Variants in CAPN1 observed in about 807,000 individuals in gnomAD.
CAPN1 encodes calpain-1 catalytic subunit.
A neutral mutation model predicts 105.2 loss-of-function variants in CAPN1; 77 were observed. That is an observed-to-expected ratio of 0.73 (90% confidence interval 0.61 to 0.88). The LOEUF is 0.88. CAPN1 is among the 40% of genes least tolerant of loss of function. The pLI is 0.00. For missense variants in CAPN1, 833 were observed against 976.6 expected (o/e 0.85, Z 1.96); for synonymous variants, 355 against 388.8 (o/e 0.91, Z 1.02).
chr11:65,198,560 GT>G (rs1015476420), intron 10 of CAPN1, among the ~76,000 whole-genome samples: 18 of 151,080 alleles, frequency 1.2e-4, no homozygotes, highest in Middle Eastern at 3.4e-3. Flanking sequence ...TAATTCTAAA[GT>G]TTTTTTTTCC....
chr11:65,203,293 GATTCT>G (rs1565414041), intron 10 of CAPN1: 1 of 151,498 alleles, frequency 6.6e-6, no homozygotes, highest in Non-Finnish European at 1.5e-5. Context: ...GGGTTCAAGC[GATTCT>G]CCTACCTCAG....
In CAPN1 at chr11:65,188,351, C is replaced by A; in HGVS notation, c.930-63C>A. The A allele has an allele frequency of 6.9e-7, 1 of 1,458,454 alleles. No homozygotes were observed. The highest frequency in any genetic ancestry group is 9.4e-7 in the Non-Finnish European group (1 of 1,059,708). 90.3% of individuals were successfully genotyped at this position (1,458,454 alleles called of 1,614,324 possible). On this transcript the variant is annotated intron_variant, in intron 8 of 21. Transcript: ENST00000279247. This position sits in a 1 kb window ranked among gnomAD's most constrained non-coding sequence, Gnocchi z 5.5. ...GGAAGACAGGCCAGGGTAGACAGGC[C>A]CCAGGGACAGAGGCCAGGCAGGTCA...
At position 65,188,260 on chromosome 11, in the gene CAPN1, G is replaced by T; in HGVS notation, c.930-154G>T. The T allele has an allele frequency of 2.7e-6, 2 of 732,168 alleles. No homozygotes were observed. Among genetic ancestry groups the T allele is most frequent in the Non-Finnish European group, 4.5e-6 (2 of 444,872 alleles). 45.4% of individuals were successfully genotyped at this position (732,168 alleles called of 1,614,324 possible). ...TGCAGGGCATCAGACTGGCCCTGAT[G>T]AGACCACCCCCTAGAAGCGGAACCT... On this transcript the variant is annotated intron_variant, in intron 8 of 21. Transcript: ENST00000279247. The surrounding 1 kb of genome is among the most constrained non-coding windows in gnomAD (Gnocchi z 5.5).
rs542103543 is a variant in CAPN1, at chr11:65,188,517, C to T, written c.1004+29C>T. On this transcript the variant is annotated intron_variant, in intron 9 of 21. Transcript: ENST00000279247. This position sits in a 1 kb window ranked among gnomAD's most constrained non-coding sequence, Gnocchi z 5.5. ...AGCGCCCCCTCCCCTTCTACCCCAC[C>T]TCTCCACCCCTACACATCAGCTCTG... 6.8e-6 allele frequency: 11 copies of T among 1,612,944 alleles called. No homozygotes were observed. The highest frequency in any genetic ancestry group is 2.2e-5 in the South Asian group (2 of 90,952).
Position 65,211,312 on chromosome 11 carries a change from T to C in CAPN1, c.*26T>C. 1 of 1,610,592 alleles carries C rather than the reference T, an allele frequency of 6.2e-7. No individual in the cohort carries two copies. Among genetic ancestry groups the C allele is most frequent in the Non-Finnish European group, 8.5e-7 (1 of 1,179,006 alleles). On this transcript the variant is annotated 3_prime_UTR_variant, in exon 22 of 22. Transcript: ENST00000279247. ...GGCAGGGACTCGGTCCCCCTTGCCG[T>C]GCTCCCCTCCCTCCTCGTCTGCCAA...
In CAPN1 at chr11:65,206,494, G is replaced by T. The variant is rs201349372; in HGVS notation, c.1385G>T (p.Arg462Leu). Residue 462 changes from arginine (R) to leucine (L), a missense_variant, in exon 13 of 22, where the codon CGT (arginine) becomes CTT (leucine). Physicochemically the swap from Arg to Leu is moderately radical, Grantham distance 102 (BLOSUM62 -2). Transcript: ENST00000279247. ...LVGQPAVHLK[R>L]DFFLANASRA... ...GGCCAGCCGGCCGTACACTTGAAGC[G>T]TGACTTCTTCCTGGCCAATGCGTCT... is the stretch of plus-strand genomic sequence containing the variant. The T allele has an allele frequency of 1.2e-6, 2 of 1,613,344 alleles. No homozygotes were observed. The highest frequency in any genetic ancestry group is 8.5e-7 in the Non-Finnish European group (1 of 1,179,880).
chr11:65,195,100 G>GGTTTTTTTTTTTTTTTTTTTTTTTT (rs1565403828), intron 10 of CAPN1, among the ~76,000 whole-genome samples: 2 of 90,906 alleles, frequency 2.2e-5, no homozygotes, highest in African/African-American at 6.7e-5. Flanking sequence ...GTTTTTTGGG[G>GGTTTTTTTTTTTTTTTTTTTTTTTT]TTTTTTTTTT....
intron 7 of CAPN1, 45 bp downstream of exon 7, chr11:65,187,343 C>A: frequency 7.4e-7 from 1 of 1,348,730 alleles, no homozygotes; most frequent in Non-Finnish European, 1.0e-6. Flanking sequence ...GTTCCTGCCC[C>A]CTGGCCTGTC....
In CAPN1 at chr11:65,210,122, T is replaced by A; in HGVS notation, c.1942+26T>A. 2 of 1,594,204 alleles carry A rather than the reference T, an allele frequency of 1.3e-6. No individual in the cohort carries two copies. Among genetic ancestry groups the A allele is most frequent in the Non-Finnish European group, 1.7e-6 (2 of 1,163,664 alleles). On this transcript the variant is annotated intron_variant, in intron 19 of 21. Transcript: ENST00000279247. This position sits in a 1 kb window ranked among gnomAD's most constrained non-coding sequence, Gnocchi z 4.3. Reference sequence around the variant, plus strand: ...GTGAGACTCCAAGGCTGACGGCACCTGTGGGGCCCAGGACAGGTAGCCCCA... The same window carrying A: ...GTGAGACTCCAAGGCTGACGGCACCAGTGGGGCCCAGGACAGGTAGCCCCA...
chr11:65,193,304 G>C (rs182415393), intron 10 of CAPN1, among the ~76,000 whole-genome samples: 1 of 151,930 alleles, frequency 6.6e-6, no homozygotes, highest in African/African-American at 2.4e-5. Flanking sequence ...CTTATGTCTC[G>C]TGTATAATAA....
intron 7 of CAPN1, chr11:65,187,702 C>T: frequency 2.2e-6 from 1 of 455,628 alleles, no homozygotes. Context: ...GCCTGGCCAA[C>T]ATGGTGAAAC....
chr11:65,193,714 T>G (rs146857006), intron 10 of CAPN1, among the ~76,000 whole-genome samples: 2,447 of 151,436 alleles, frequency 0.016, 41 homozygotes, highest in Non-Finnish European at 0.021. Flanking sequence ...TTTCTTTTAT[T>G]ATTTTTACTT....
upstream of CAPN1, chr11:65,181,617 C>T: frequency 2.5e-6 from 1 of 407,514 alleles, no homozygotes; most frequent in Non-Finnish European, 4.9e-6. The surrounding 1 kb of genome is among the most constrained non-coding windows in gnomAD (Gnocchi z 4.6). Flanking sequence ...AAAAATACCC[C>T]CTGCCCGGCC....
chr11:65,185,255 A>C (rs1565390349), intron 4 of CAPN1, among the ~76,000 whole-genome samples: 1 of 152,024 alleles, frequency 6.6e-6, no homozygotes, highest in Non-Finnish European at 1.5e-5. Flanking sequence ...TGGGGGCTCG[A>C]ACATGGCCAA....
Position 65,205,111 on chromosome 11 carries a change from C to T in CAPN1, c.1341+253C>T, listed in dbSNP as rs904047736. On this transcript the variant is annotated intron_variant, in intron 11 of 21. Transcript: ENST00000279247. Reference sequence around the variant, plus strand: ...GGGAGATTCTGGGATTCACCTCACGCTTAGAGGGCGGCCTGCTGCTCTTGG... The same window carrying T: ...GGGAGATTCTGGGATTCACCTCACGTTTAGAGGGCGGCCTGCTGCTCTTGG... Among the ~76,000 whole-genome samples the T allele has an allele frequency of 2.0e-5, 3 of 152,350 alleles. No homozygotes were observed. In the East Asian group the frequency reaches 5.8e-4, roughly 29 times the overall value.
In CAPN1 at chr11:65,209,265, C is replaced by A; in HGVS notation, c.1730-58C>A. 1 of 1,419,004 alleles carries A rather than the reference C, an allele frequency of 7.0e-7. No homozygotes were observed. The highest frequency in any genetic ancestry group is 9.9e-7 in the Non-Finnish European group (1 of 1,012,894). The allele number at this position is 1,419,004 out of a possible 1,614,324, so 87.9% of individuals were successfully genotyped here. A position where few individuals can be genotyped will look rare whatever the true frequency, so the allele number is the denominator to read the frequency against. Reference sequence around the variant, plus strand: ...ACTCTGCCCCACCCAGTGCTCCCAGCAGGGGCAGGTGCAGGAAGCTCACTA... The same window carrying A: ...ACTCTGCCCCACCCAGTGCTCCCAGAAGGGGCAGGTGCAGGAAGCTCACTA... On this transcript the variant is annotated intron_variant, in intron 16 of 21. Coordinates refer to ENST00000279247, the MANE Select transcript of CAPN1 (RefSeq NM_005186.4). The surrounding 1 kb of genome is among the most constrained non-coding windows in gnomAD (Gnocchi z 4.1).
chr11:65,188,195 C>G lies in CAPN1; in HGVS notation c.929+155C>G. 1 of 704,536 alleles carries G rather than the reference C, an allele frequency of 1.4e-6. No homozygotes were observed. 43.6% of individuals were successfully genotyped at this position (704,536 alleles called of 1,614,324 possible). On this transcript the variant is annotated intron_variant, in intron 8 of 21. Coordinates refer to ENST00000279247, the MANE Select transcript of CAPN1 (RefSeq NM_005186.4). This position sits in a 1 kb window ranked among gnomAD's most constrained non-coding sequence, Gnocchi z 5.5. ...GGTCTGGGGGACTGCTCTGACAAAG[C>G]TCAGGCCGTGCGGGCCCCTGTGCCC...
At position 65,188,209 on chromosome 11, in the gene CAPN1, G is replaced by A. The variant is rs1010300492; in HGVS notation, c.929+169G>A. On this transcript the variant is annotated intron_variant, in intron 8 of 21. Coordinates refer to ENST00000279247, the MANE Select transcript of CAPN1 (RefSeq NM_005186.4). This position sits in a 1 kb window ranked among gnomAD's most constrained non-coding sequence, Gnocchi z 5.5. ...CTCTGACAAAGCTCAGGCCGTGCGGGCCCCTGTGCCCAGCCGTCGGGTGTG... is the reference window on the plus strand; with the variant it reads ...CTCTGACAAAGCTCAGGCCGTGCGGACCCCTGTGCCCAGCCGTCGGGTGTG... 2 of 683,988 alleles carry A rather than the reference G, an allele frequency of 2.9e-6. No individual in the cohort carries two copies. The highest frequency in any genetic ancestry group is 1.9e-5 in the South Asian group (1 of 52,406). 42.4% of individuals were successfully genotyped at this position (683,988 alleles called of 1,614,324 possible). A position where few individuals can be genotyped will look rare whatever the true frequency, so the allele number is the denominator to read the frequency against.
chr11:65,194,733 C>T (rs1948767760), intron 10 of CAPN1, among the ~76,000 whole-genome samples: 1 of 152,126 alleles, frequency 6.6e-6, no homozygotes. Context: ...GATTAATCTT[C>T]CATGATATGG....
Sources: gnomAD v4.1 joint callset for allele counts (sites outside exome capture counted in the v4.1 genomes callset) on GRCh38, gnomAD v4.1.1 for gene constraint, Gnocchi (gnomAD v3.1) non-coding constraint, MANE v1.5 for transcripts, NCBI Gene and HGNC (gene_info 2026-07-23, HGNC 2026-07-21) for gene names.